SSX2IP: variants seen among roughly 807,000 people sequenced by gnomAD.
SSX2IP encodes SSX family member 2 interacting protein.
A neutral mutation model predicts 84.9 loss-of-function variants in SSX2IP; 55 were observed. That is an observed-to-expected ratio of 0.65 (90% CI 0.52 to 0.81). SSX2IP has a LOEUF of 0.81. Among genes scored for constraint, SSX2IP ranks in the 30% least tolerant of loss-of-function variants. The probability of loss-of-function intolerance (pLI) is 0.00; values close to 1 mark genes in which losing one functional copy is unlikely to be tolerated. For missense variants in SSX2IP, 664 were observed against 705.2 expected, an observed-to-expected ratio of 0.94 and a Z score of 0.66; for synonymous variants, 239 against 234.7, an observed-to-expected ratio of 1.02 and a Z score of -0.17.
chr1:84,653,538 A>C (rs1368871277), intron 11 of SSX2IP, among the ~76,000 whole-genome samples: 1 of 152,236 alleles, frequency 6.6e-6, no homozygotes, highest in Non-Finnish European at 1.5e-5. Context: ...AACTGGGAGC[A>C]ATATGCAAAG....
At chr1:84,668,333 A>G (rs1653049022) in intron 4 of SSX2IP, among the ~76,000 whole-genome samples, 1 of 152,258 alleles carries the variant, frequency 6.6e-6, no homozygotes, top group South Asian at 2.1e-4. Flanking sequence ...TCTGATCTGG[A>G]TTAAAGTAGC....
intron 1 of SSX2IP, among the ~76,000 whole-genome samples, chr1:84,686,824 T>G (rs1655867249): frequency 6.6e-6 from 1 of 152,214 alleles, no homozygotes; most frequent in Non-Finnish European, 1.5e-5. Flanking sequence ...GATTAGTGAC[T>G]TAATGACAAA....
intron 5 of SSX2IP, among the ~76,000 whole-genome samples, chr1:84,664,925 T>A (rs1291286109): frequency 6.6e-6 from 1 of 152,174 alleles, no homozygotes; most frequent in Non-Finnish European, 1.5e-5. Flanking sequence ...ACTTATACTT[T>A]TTATTAATCT....
intron 1 of SSX2IP, among the ~76,000 whole-genome samples, chr1:84,674,736 A>C (rs1187912476): frequency 6.6e-6 from 1 of 152,214 alleles, no homozygotes; most frequent in African/African-American, 2.4e-5. Context: ...AATGTTTACA[A>C]TGAAAACCAA....
rs936859117 is a variant in SSX2IP, at chr1:84,651,658, G to A, written c.1504+225C>T. 2.6e-5 allele frequency among the ~76,000 whole-genome samples: 4 copies of A among 152,142 alleles called. No homozygotes were observed. The South Asian group carries it at 8.3e-4, about 32-fold the overall frequency. ...CAAGATAATCGCGTGAAGCTGGGAG[G>A]CAGAGGTTGCAGTCAGCCAAGGTCA... On this transcript the variant is annotated intron_variant, in intron 12 of 13. Coordinates refer to ENST00000342203, the MANE Select transcript of SSX2IP (RefSeq NM_001166293.2).
chr1:84,650,267 T>C (rs1351270300), intron 13 of SSX2IP, 95 bp downstream of exon 13: 2 of 1,230,320 alleles, frequency 1.6e-6, no homozygotes, highest in South Asian at 1.2e-5. Context: ...AAAATCTCTA[T>C]TGTTGCTAAT....
Position 84,651,875 on chromosome 1 carries a change from G to C in SSX2IP, c.1504+8C>G. On this transcript the variant is annotated splice_region_variant and intron_variant, in intron 12 of 13. Transcript: ENST00000342203. ...ATGTTCAAATTAAAGAGTTTATAAA[G>C]TACTCACTTCCTGAGAAGGCACTGA... The C allele has an allele frequency of 6.4e-7, 1 of 1,555,766 alleles. No homozygotes were observed. The highest frequency in any genetic ancestry group is 1.4e-5 in the African/African-American group (1 of 73,710).
intron 4 of SSX2IP, among the ~76,000 whole-genome samples, chr1:84,668,484 C>T (rs1653068471): frequency 3.3e-5 from 5 of 152,116 alleles, no homozygotes; most frequent in Admixed American, 3.3e-4. Flanking sequence ...AGCCTAAAAA[C>T]ATTATTAAGA....
intron 5 of SSX2IP, 26 bp downstream of exon 5, chr1:84,666,096 T>G: frequency 1.9e-6 from 3 of 1,558,298 alleles, no homozygotes; most frequent in East Asian, 2.3e-5. Flanking sequence ...TCACTTAAAC[T>G]TCATCTGCAA....
intron 1 of SSX2IP, among the ~76,000 whole-genome samples, chr1:84,689,966 G>C (rs554162377): frequency 6.6e-6 from 1 of 151,966 alleles, no homozygotes; most frequent in Non-Finnish European, 1.5e-5. Flanking sequence ...CCCCACGGCC[G>C]CTGCTGAGAC....
chr1:84,666,754 T>A (rs181211638), intron 4 of SSX2IP, among the ~76,000 whole-genome samples: 183 of 152,222 alleles, frequency 1.2e-3, no homozygotes, highest in African/African-American at 4.0e-3. Context: ...CTGCAAGTGG[T>A]AAAGTCTCTG....
chr1:84,675,734 A>G (rs1416371115), intron 1 of SSX2IP, among the ~76,000 whole-genome samples: 2 of 152,172 alleles, frequency 1.3e-5, no homozygotes, highest in Admixed American at 6.5e-5. Context: ...ATGCAGATTC[A>G]ATGAACCAGA....
In SSX2IP at chr1:84,645,707, G is replaced by T. The variant is rs1649388026; in HGVS notation, c.*1726C>A. The T allele has an allele frequency of 3.3e-5, 5 of 152,056 alleles. No homozygotes were observed. Among genetic ancestry groups the T allele is most frequent in the African/African-American group, 1.2e-4 (5 of 41,416 alleles). The allele number at this position is 152,056 out of a possible 1,614,324, so 9.4% of individuals were successfully genotyped here. ...TTTTTGACCATGTTATTGCTAAATA[G>T]CAAAACAAACAAAAACAAAAACAAC... On this transcript the variant is annotated 3_prime_UTR_variant, in exon 14 of 14. Coordinates refer to ENST00000342203, the MANE Select transcript of SSX2IP (RefSeq NM_001166293.2).
chr1:84,657,823 C>A (rs184391520), intron 9 of SSX2IP, among the ~76,000 whole-genome samples: 1 of 152,176 alleles, frequency 6.6e-6, no homozygotes, highest in Non-Finnish European at 1.5e-5. Flanking sequence ...GAGGTTCAAA[C>A]CTCACATCTA....
intron 4 of SSX2IP, among the ~76,000 whole-genome samples, 153 bp downstream of exon 4, chr1:84,669,528 A>T (rs925584465): frequency 6.6e-6 from 1 of 152,208 alleles, no homozygotes; most frequent in Non-Finnish European, 1.5e-5. Context: ...TAGGAAGCAG[A>T]TGTGTGTAAA....
At chr1:84,655,435 G>A (rs1050150215) in intron 11 of SSX2IP, 2 of 1,291,126 alleles carry the variant, frequency 1.5e-6, no homozygotes, top group Non-Finnish European at 2.0e-6. Flanking sequence ...GGACTGGGGA[G>A]AAGAGAACTT....
intron 13 of SSX2IP, 79 bp from the exon 14 acceptor site, chr1:84,647,686 C>CA (rs574243403): frequency 1.4e-4 from 128 of 927,074 alleles, no homozygotes; most frequent in Admixed American, 8.2e-4. Flanking sequence ...TGGCACTCTT[C>CA]AAAAAAAATA....
At chr1:84,664,267 T>A in intron 6 of SSX2IP, 150 bp downstream of exon 6, 1 of 822,784 alleles carries the variant, frequency 1.2e-6, no homozygotes, top group Admixed American at 3.7e-5. Flanking sequence ...GTTGTCTACA[T>A]TTTTTATATA....
At chr1:84,656,099 G>A in intron 10 of SSX2IP, 94 bp from the exon 11 acceptor site, 1 of 1,170,256 alleles carries the variant, frequency 8.5e-7, no homozygotes, top group Non-Finnish European at 1.2e-6. Context: ...CAAACTTCAG[G>A]GCAGGAATAG....
Sources: allele counts gnomAD v4.1 joint callset (sites outside exome capture counted in the v4.1 genomes callset), GRCh38; gene constraint gnomAD v4.1.1; transcripts MANE v1.5; gene names NCBI Gene and HGNC (gene_info 2026-07-23, HGNC 2026-07-21).